The following C3orf70 variants were observed in gnomAD, a reference collection of about 807,000 sequenced individuals.
C3orf70 encodes the protein UPF0524 protein C3orf70.
C3orf70 carries 15 observed loss-of-function variants against 20.7 expected under a neutral mutation model. The ratio of observed to expected loss-of-function variants is 0.72; its 90% confidence interval spans 0.48 to 1.11. The LOEUF (loss-of-function observed/expected upper bound fraction) is 1.11, where lower values mean the gene tolerates loss of function less well. C3orf70 is among the 50% of genes most tolerant of loss of function. C3orf70 has a pLI of 0.00. For synonymous variants in C3orf70, 161 were observed against 125.7 expected (o/e 1.28, Z -1.88); for missense variants, 332 against 317.6 (o/e 1.05, Z -0.34).
chr3:185,086,749 T>A (rs1274011475), intron 1 of C3orf70, among the ~76,000 whole-genome samples: 2 of 152,126 alleles, frequency 1.3e-5, no homozygotes, highest in Non-Finnish European at 2.9e-5. Flanking sequence ...ATTAAATGTG[T>A]TTACTCAGAG....
chr3:185,143,499 T>A (rs1054924424), intron 1 of C3orf70, among the ~76,000 whole-genome samples: 3 of 152,142 alleles, frequency 2.0e-5, no homozygotes, highest in Admixed American at 6.5e-5. Flanking sequence ...GAAGGCATTG[T>A]ACAGATACAG....
intron 1 of C3orf70, among the ~76,000 whole-genome samples, chr3:185,125,088 A>G (rs868756220): frequency 5.9e-5 from 9 of 152,194 alleles, no homozygotes; most frequent in Non-Finnish European, 1.0e-4. Context: ...ACCACTTTGA[A>G]AAACAGTTTG....
intron 1 of C3orf70, among the ~76,000 whole-genome samples, chr3:185,118,785 T>C (rs1716234025): frequency 6.6e-6 from 1 of 152,230 alleles, no homozygotes; most frequent in Admixed American, 6.5e-5. Context: ...GATTCATGTA[T>C]GACTTCTAGG....
intron 1 of C3orf70, among the ~76,000 whole-genome samples, chr3:185,151,669 T>C (rs935896226): frequency 6.6e-6 from 1 of 152,226 alleles, no homozygotes; most frequent in Admixed American, 6.5e-5. Flanking sequence ...TCAGCTATTT[T>C]TTTCTCAACA....
rs149101570 is a variant in C3orf70, at chr3:185,087,278, G to A, written c.197-3715C>T. ...CAGAGTGAGGGCTCAGAGAAAAAGA[G>A]AGCAAAAGGAGCATCAGTTTGATCC... On this transcript the variant is annotated intron_variant, in intron 1 of 1. Transcript: ENST00000335012. Among the ~76,000 whole-genome samples the A allele has an allele frequency of 1.1e-3, 171 of 152,280 alleles. 2 individuals are homozygous for A. Among genetic ancestry groups the A allele is most frequent in the African/African-American group, 4.0e-3 (166 of 41,546 alleles).
chr3:185,119,754 G>A lies in C3orf70; in HGVS notation c.196+32874C>T, dbSNP rs185916658. 2.1e-4 allele frequency among the ~76,000 whole-genome samples: 32 copies of A among 151,902 alleles called. No homozygotes were observed. The East Asian group carries it at 3.7e-3, about 18-fold the overall frequency. On this transcript the variant is annotated intron_variant, in intron 1 of 1. Coordinates refer to ENST00000335012, the MANE Select transcript of C3orf70 (RefSeq NM_001025266.3). Reference sequence around the variant, plus strand: ...AAAAAAATGAAAAAGGGCTGGGTGCGGTGGCTCACGCCTGTAATCCCAGCA... The same window carrying A: ...AAAAAAATGAAAAAGGGCTGGGTGCAGTGGCTCACGCCTGTAATCCCAGCA...
chr3:185,086,210 C>A (rs1046099773), intron 1 of C3orf70, among the ~76,000 whole-genome samples: 3 of 152,166 alleles, frequency 2.0e-5, no homozygotes, highest in Non-Finnish European at 4.4e-5. Flanking sequence ...TCCTTCCCCT[C>A]CTTTATGCTT....
intron 1 of C3orf70, among the ~76,000 whole-genome samples, chr3:185,105,309 T>G (rs888897983): frequency 3.3e-5 from 5 of 152,234 alleles, no homozygotes; most frequent in African/African-American, 1.2e-4. Flanking sequence ...ATAACACCCA[T>G]GCTGGAAGGT....
At chr3:185,133,883 G>C (rs903284221) in intron 1 of C3orf70, among the ~76,000 whole-genome samples, 4 of 152,192 alleles carry the variant, frequency 2.6e-5, no homozygotes, top group Non-Finnish European at 4.4e-5. Context: ...GAGCTCAGGA[G>C]TTCAAGACCA....
At chr3:185,140,576 G>A (rs951761695) in intron 1 of C3orf70, among the ~76,000 whole-genome samples, 5 of 152,034 alleles carry the variant, frequency 3.3e-5, no homozygotes, top group African/African-American at 1.2e-4. Flanking sequence ...TAATGTGAGG[G>A]TCTTAGGAAG....
Position 185,152,982 on chromosome 3 carries a change from A to C in C3orf70, c.-159T>G. ...CGGGAGCGCGGCGGTCCCAGGCTCG[A>C]GGAGGAGCCGCCCCGGGCGCTGCGA... On this transcript the variant is annotated 5_prime_UTR_variant, in exon 1 of 2. Coordinates refer to ENST00000335012, the MANE Select transcript of C3orf70 (RefSeq NM_001025266.3). 2.1e-6 allele frequency: 1 copy of C among 482,460 alleles called. No homozygotes were observed. Among genetic ancestry groups the C allele is most frequent in the Middle Eastern group, 6.4e-4 (1 of 1,558 alleles). The allele number at this position is 482,460 out of a possible 1,614,324, so 29.9% of individuals were successfully genotyped here.
At chr3:185,103,860 T>C (rs1212233997) in intron 1 of C3orf70, among the ~76,000 whole-genome samples, 1 of 152,138 alleles carries the variant, frequency 6.6e-6, no homozygotes, top group Non-Finnish European at 1.5e-5. Flanking sequence ...GGAAAAAGGC[T>C]CCTGTCCCTT....
At chr3:185,121,993 G>C (rs1229320073) in intron 1 of C3orf70, among the ~76,000 whole-genome samples, 3 of 151,932 alleles carry the variant, frequency 2.0e-5, no homozygotes, top group African/African-American at 7.3e-5. Context: ...CAGTTACTAG[G>C]GAAGCGGAGG....
At chr3:185,130,660 G>A (rs1358448994) in intron 1 of C3orf70, among the ~76,000 whole-genome samples, 1 of 152,044 alleles carries the variant, frequency 6.6e-6, no homozygotes, top group African/African-American at 2.4e-5. Flanking sequence ...TCTACTTTCT[G>A]TCTCTACAAA....
In C3orf70 at chr3:185,080,746, CCCTGTGCCA is replaced by C. The variant is rs978017351; in HGVS notation, c.*2252_*2260del. On this transcript the variant is annotated 3_prime_UTR_variant, in exon 2 of 2. Transcript: ENST00000335012. Reference sequence around the variant, plus strand: ...ACCTCGGGCAGGGTTCATCAGATGTCCCTGTGCCACCTGAGCCATGCCCTGGCAGGGGGA... The same window carrying C: ...ACCTCGGGCAGGGTTCATCAGATGTCCCTGAGCCATGCCCTGGCAGGGGGA... 1.3e-5 allele frequency: 2 copies of C among 152,114 alleles called. No individual in the cohort carries two copies. The highest frequency in any genetic ancestry group is 4.8e-5 in the African/African-American group (2 of 41,432). The allele number at this position is 152,114 out of a possible 1,614,324, so 9.4% of individuals were successfully genotyped here.
At chr3:185,137,285 T>A (rs1348625225) in intron 1 of C3orf70, among the ~76,000 whole-genome samples, 3 of 152,314 alleles carry the variant, frequency 2.0e-5, no homozygotes, top group Admixed American at 6.5e-5. Flanking sequence ...GAACTGTACA[T>A]CCCATTAAAC....
chr3:185,113,786 G>C (rs1344702383), intron 1 of C3orf70, among the ~76,000 whole-genome samples: 1 of 152,200 alleles, frequency 6.6e-6, no homozygotes, highest in Non-Finnish European at 1.5e-5. Context: ...AGGGAAGGGG[G>C]AGGTACATGG....
chr3:185,117,454 A>AAGAGAGAG lies in C3orf70; in HGVS notation c.197-33899_197-33892dup, dbSNP rs3072374. Among the ~76,000 whole-genome samples the AAGAGAGAG allele has an allele frequency of 4.1e-3, 589 of 141,990 alleles. 6 individuals are homozygous for AAGAGAGAG. Among genetic ancestry groups the AAGAGAGAG allele is most frequent in the African/African-American group, 0.015 (542 of 35,630 alleles). 93.2% of individuals were successfully genotyped at this position (141,990 alleles called of 152,430 possible). ...ACACACACACACACACACACACAGA[A>AAGAGAGAG]AGAGAGAGAGAGAGAGAGAGAGAGA... is the stretch of plus-strand genomic sequence containing the variant. On this transcript the variant is annotated intron_variant, in intron 1 of 1. Coordinates refer to ENST00000335012, the MANE Select transcript of C3orf70 (RefSeq NM_001025266.3).
intron 1 of C3orf70, among the ~76,000 whole-genome samples, chr3:185,102,892 CA>C (rs1416662582): frequency 1.3e-5 from 2 of 152,278 alleles, no homozygotes; most frequent in African/African-American, 4.8e-5. Flanking sequence ...ACACCATATA[CA>C]AAAATTAACT....
Sources: allele counts gnomAD v4.1 joint callset (sites outside exome capture counted in the v4.1 genomes callset), GRCh38; gene constraint gnomAD v4.1.1; transcripts MANE v1.5; gene names NCBI Gene and HGNC (gene_info 2026-07-23, HGNC 2026-07-21).